Variants in ARHGAP10 observed in about 807,000 individuals in gnomAD.
ARHGAP10 encodes the protein rho GTPase-activating protein 10.
Under a neutral mutation model 108.6 loss-of-function variants are expected in ARHGAP10, and 87 were observed. The ratio of observed to expected loss-of-function variants is 0.80; its 90% CI spans 0.67 to 0.96. The LOEUF is 0.96. ARHGAP10 is among the 40% of genes least tolerant of loss of function. ARHGAP10 has a pLI of 0.00. For synonymous variants in ARHGAP10, 347 were observed against 341.1 expected, an observed-to-expected ratio of 1.02 and a Z score of -0.19; for missense variants, 939 against 954.5, an observed-to-expected ratio of 0.98 and a Z score of 0.21.
intron 19 of ARHGAP10, among the ~76,000 whole-genome samples, chr4:148,040,180 A>G (rs938977123): frequency 5.3e-5 from 8 of 152,136 alleles, no homozygotes; most frequent in Non-Finnish European, 2.9e-5. Flanking sequence ...AGGCCAAATC[A>G]TCCCCCAGGC....
chr4:147,911,488 G>C (rs1048041963), intron 12 of ARHGAP10, among the ~76,000 whole-genome samples: 2 of 152,078 alleles, frequency 1.3e-5, no homozygotes, highest in Non-Finnish European at 1.5e-5. Context: ...TCAACCTCCC[G>C]AGTAACTGGG....
chr4:148,071,915 C>A, intron 22 of ARHGAP10, 78 bp from the exon 23 acceptor site: 5 of 1,285,110 alleles, frequency 3.9e-6, no homozygotes, highest in South Asian at 1.3e-5. Context: ...CCACTCCCTG[C>A]TTGAGCTTTT....
intron 1 of ARHGAP10, among the ~76,000 whole-genome samples, chr4:147,796,457 G>A (rs1731320897): frequency 1.3e-5 from 2 of 152,138 alleles, no homozygotes; most frequent in African/African-American, 4.8e-5. Context: ...CTTAGAGGAG[G>A]TACATAATTC....
At chr4:147,843,351 C>T (rs1733494431) in intron 3 of ARHGAP10, among the ~76,000 whole-genome samples, 1 of 152,214 alleles carries the variant, frequency 6.6e-6, no homozygotes. Flanking sequence ...TCTCTCTCTA[C>T]TGCCCCACCT....
At chr4:148,061,121 G>A in intron 20 of ARHGAP10, among the ~76,000 whole-genome samples, 1 of 151,588 alleles carries the variant, frequency 6.6e-6, no homozygotes, top group Non-Finnish European at 1.5e-5. Context: ...AGAAAGATGT[G>A]AGGATCAAGC....
chr4:147,796,816 C>G (rs1439247598), intron 1 of ARHGAP10, among the ~76,000 whole-genome samples: 1 of 152,218 alleles, frequency 6.6e-6, no homozygotes, highest in Non-Finnish European at 1.5e-5. Flanking sequence ...TGAGCCACTG[C>G]GCCCGGCCTG....
At chr4:147,914,880 C>T (rs920883280) in intron 13 of ARHGAP10, among the ~76,000 whole-genome samples, 2 of 152,040 alleles carry the variant, frequency 1.3e-5, no homozygotes, top group Admixed American at 1.3e-4. Flanking sequence ...AAATTGGGCC[C>T]TTTTGCTATG....
At chr4:147,799,812 T>A (rs954634009) in intron 1 of ARHGAP10, among the ~76,000 whole-genome samples, 3 of 152,184 alleles carry the variant, frequency 2.0e-5, no homozygotes, top group African/African-American at 7.2e-5. Flanking sequence ...TTAGGGTCAG[T>A]TTTTTGGCTA....
intron 1 of ARHGAP10, among the ~76,000 whole-genome samples, chr4:147,784,461 TTA>T (rs1264471111): frequency 1.6e-5 from 2 of 124,278 alleles, no homozygotes; most frequent in South Asian, 2.6e-4. Flanking sequence ...ATGATATATA[TTA>T]TATAATTTAT....
intron 1 of ARHGAP10, among the ~76,000 whole-genome samples, chr4:147,821,569 A>C (rs2126785229): frequency 6.6e-6 from 1 of 152,340 alleles, no homozygotes; most frequent in African/African-American, 2.4e-5. Context: ...ATGAAGTTTC[A>C]GAAACTTACA....
intron 13 of ARHGAP10, chr4:147,917,178 A>G (rs942957763): frequency 6.6e-6 from 1 of 152,148 alleles, no homozygotes; most frequent in African/African-American, 2.4e-5. Flanking sequence ...TTATTTGGAA[A>G]CTGTCTTCCC....
At chr4:147,931,579 A>G (rs997655850) in intron 13 of ARHGAP10, among the ~76,000 whole-genome samples, 2 of 152,238 alleles carry the variant, frequency 1.3e-5, no homozygotes, top group African/African-American at 4.8e-5. Flanking sequence ...ACAAGGCACC[A>G]TAAAAGCTAT....
At chr4:147,933,311 C>T (rs1380070056) in intron 13 of ARHGAP10, among the ~76,000 whole-genome samples, 1 of 152,184 alleles carries the variant, frequency 6.6e-6, no homozygotes, top group Non-Finnish European at 1.5e-5. Context: ...ACACTATGGC[C>T]TTGAACTCCT....
intron 1 of ARHGAP10, among the ~76,000 whole-genome samples, chr4:147,783,205 AACACATTAAATTAT>A (rs1730633510): frequency 6.9e-6 from 1 of 144,590 alleles, no homozygotes; most frequent in East Asian, 2.1e-4. Flanking sequence ...TAATTTATAT[AACACATTAAATTAT>A]GTATTGTATA....
intron 1 of ARHGAP10, among the ~76,000 whole-genome samples, chr4:147,785,592 T>G (rs114806022): frequency 0.027 from 4,074 of 152,256 alleles, 88 homozygotes; most frequent in South Asian, 0.096. Flanking sequence ...CAAACAGAAG[T>G]CATCCAGACA....
At chr4:147,974,464 T>C (rs1304706640) in intron 18 of ARHGAP10, among the ~76,000 whole-genome samples, 1 of 152,186 alleles carries the variant, frequency 6.6e-6, no homozygotes, top group Non-Finnish European at 1.5e-5. Context: ...TCTTTTAATA[T>C]CTGTCTTAAT....
chr4:147,766,630 A>G (rs1729827844), intron 1 of ARHGAP10, among the ~76,000 whole-genome samples: 1 of 140,302 alleles, frequency 7.1e-6, no homozygotes, highest in African/African-American at 2.6e-5. Context: ...ACACATATAT[A>G]TACGTATATA....
intron 4 of ARHGAP10, among the ~76,000 whole-genome samples, chr4:147,853,658 T>A (rs962460676): frequency 6.6e-6 from 1 of 152,234 alleles, no homozygotes; most frequent in African/African-American, 2.4e-5. Context: ...ATATATTTTG[T>A]GTTACAAATG....
intron 16 of ARHGAP10, 132 bp from the exon 17 acceptor site, chr4:147,964,892 T>A: frequency 1.7e-6 from 1 of 584,390 alleles, no homozygotes; most frequent in Non-Finnish European, 2.7e-6. Context: ...GTTTACATTC[T>A]CCATGTTTGA....
Sources: allele counts gnomAD v4.1 joint callset (sites outside exome capture counted in the v4.1 genomes callset), GRCh38; gene constraint gnomAD v4.1.1; transcripts MANE v1.5; gene names NCBI Gene and HGNC (gene_info 2026-07-23, HGNC 2026-07-21).